Variants in TG observed in about 807,000 individuals in gnomAD.
TG encodes the protein thyroid hormones.
In TG, 270 loss-of-function variants were observed where a neutral mutation model predicts 324.7. That is an observed-to-expected ratio of 0.83 (90% CI 0.75 to 0.92). The LOEUF is 0.92. Ranked by LOEUF, TG falls within the 40% of genes least tolerant of loss-of-function variation. The pLI, the probability that TG is intolerant of heterozygous loss-of-function variation, is 0.00. For missense variants in TG, 3,591 were observed against 3,456.4 expected (o/e 1.04, Z -0.98); for synonymous variants, 1,401 against 1,327.0 (o/e 1.06, Z -1.21).
At position 133,019,612 on chromosome 8, in the gene TG, T is replaced by C; in HGVS notation, c.6793T>C (p.Trp2265Arg). The C allele has an allele frequency of 6.2e-7, 1 of 1,613,762 alleles. No homozygotes were observed. The highest frequency in any genetic ancestry group is 8.5e-7 in the Non-Finnish European group (1 of 1,179,790). Residue 2265 changes from tryptophan (W) to arginine (R), a missense_variant, in exon 39 of 48, where the codon TGG becomes CGG. Trp to Arg is a moderately radical substitution (Grantham distance 101, BLOSUM62 -3). Transcript: ENST00000220616. ...WDASKPRASC[W>R]QPGTRTSTSP... ...AGTCTGTATCTGCAGGGCCAGCTGC[T>C]GGCAGCCAGGCACCAGAACATCCAC... is the stretch of plus-strand genomic sequence containing the variant.
chr8:132,893,601 T>G, intron 10 of TG, 89 bp from the exon 11 acceptor site: 5 of 1,577,930 alleles, frequency 3.2e-6, no homozygotes, highest in Admixed American at 3.3e-5. Context: ...GGTGTGTATG[T>G]GTGTGCGTGA....
At chr8:132,924,362 TG>T (rs1821528684) in intron 22 of TG, among the ~76,000 whole-genome samples, 1 of 152,190 alleles carries the variant, frequency 6.6e-6, no homozygotes, top group African/African-American at 2.4e-5. Flanking sequence ...TACCAGTCTA[TG>T]GCCCAGGGGT....
chr8:132,883,206 G>A (rs1814910605), intron 8 of TG: 3 of 598,214 alleles, frequency 5.0e-6, no homozygotes, highest in Non-Finnish European at 8.8e-6. Context: ...TGCATTTTCA[G>A]GGAGCTCAGG....
intron 22 of TG, among the ~76,000 whole-genome samples, chr8:132,924,024 C>A (rs542016470): frequency 2.0e-5 from 3 of 152,198 alleles, no homozygotes; most frequent in Middle Eastern, 3.4e-3. Flanking sequence ...CATTTTATTT[C>A]TATTATTATT....
chr8:133,011,401 A>AGG (rs60470735), intron 35 of TG, among the ~76,000 whole-genome samples: 8 of 151,910 alleles, frequency 5.3e-5, no homozygotes, highest in African/African-American at 1.2e-4. Context: ...TTGGTCCTGC[A>AGG]GGGGGGTCTC....
In TG at chr8:132,983,674, G is replaced by A. The variant is rs376924598; in HGVS notation, c.6262+262G>A. The A allele has an allele frequency of 2.9e-4, 162 of 557,384 alleles. 2 individuals are homozygous for A. Among genetic ancestry groups the A allele is most frequent in the African/African-American group, 6.4e-4 (34 of 53,096 alleles). The allele number at this position is 557,384 out of a possible 1,614,324, so 34.5% of individuals were successfully genotyped here. ...TGAAGCAGAGTAAGACCTAAGTCGC[G>A]TTCTCCCAGTTTTCATTTTAAGGAT... On this transcript the variant is annotated intron_variant, in intron 35 of 47. Coordinates refer to ENST00000220616, the MANE Select transcript of TG (RefSeq NM_003235.5).
chr8:133,036,434 A>T (rs1837139003), intron 41 of TG, among the ~76,000 whole-genome samples: 5 of 152,236 alleles, frequency 3.3e-5, no homozygotes, highest in Admixed American at 3.3e-4. Flanking sequence ...AGCTATCACA[A>T]GTAACGTGCA....
chr8:133,088,912 G>A (rs1042621176), intron 41 of TG, among the ~76,000 whole-genome samples: 11 of 152,208 alleles, frequency 7.2e-5, no homozygotes, highest in Non-Finnish European at 1.3e-4. Context: ...TAGAAAACAT[G>A]CAAGAGAATA....
intron 35 of TG, among the ~76,000 whole-genome samples, chr8:132,993,719 A>C (rs1832606303): frequency 1.3e-5 from 2 of 152,246 alleles, no homozygotes; most frequent in Admixed American, 1.3e-4. Context: ...GAGTCTTAGA[A>C]GATGGGGAAA....
chr8:133,056,800 CTT>C (rs1841515250), intron 41 of TG, among the ~76,000 whole-genome samples: 1 of 152,166 alleles, frequency 6.6e-6, no homozygotes, highest in African/African-American at 2.4e-5. Flanking sequence ...GAGATAAACT[CTT>C]TCTCATCTCT....
At chr8:133,083,380 C>G (rs1456785909) in intron 41 of TG, among the ~76,000 whole-genome samples, 1 of 152,194 alleles carries the variant, frequency 6.6e-6, no homozygotes, top group Non-Finnish European at 1.5e-5. Flanking sequence ...GTTATCTCAT[C>G]AATTCATCTT....
chr8:133,124,905 G>C (rs1337157509), intron 45 of TG, among the ~76,000 whole-genome samples: 1 of 152,136 alleles, frequency 6.6e-6, no homozygotes, highest in Non-Finnish European at 1.5e-5. Context: ...TGACTGTCTT[G>C]GTGAGTTTGT....
chr8:132,956,899 A>T (rs2130253687), intron 27 of TG, among the ~76,000 whole-genome samples: 1 of 152,216 alleles, frequency 6.6e-6, no homozygotes, highest in East Asian at 1.9e-4. Flanking sequence ...ATTAAAGAAC[A>T]GTTTAGGGAC....
In TG at chr8:133,113,795, A is replaced by G. The variant is rs2294023; in HGVS notation, c.7754+192A>G. The G allele has an allele frequency of 0.22, 142,333 of 653,518 alleles. 16,687 individuals carry two copies. Among genetic ancestry groups the G allele is most frequent in the African/African-American group, 0.34 (18,897 of 54,778 alleles). 40.5% of individuals were successfully genotyped at this position (653,518 alleles called of 1,614,324 possible). ...AAGCCCTGGAGGACATGTAGGGTGG[A>G]CCCTGCTGCCAGGAAACCCCAAGCC... On this transcript the variant is annotated intron_variant, in intron 44 of 47. Transcript: ENST00000220616.
chr8:133,074,574 C>G (rs1255098273), intron 41 of TG, among the ~76,000 whole-genome samples: 2 of 152,180 alleles, frequency 1.3e-5, no homozygotes, highest in Non-Finnish European at 2.9e-5. Flanking sequence ...TGTAAGAAGC[C>G]TGCTAAGTAC....
intron 44 of TG, among the ~76,000 whole-genome samples, chr8:133,115,510 C>A (rs1177255881): frequency 6.6e-6 from 1 of 152,204 alleles, no homozygotes; most frequent in Admixed American, 6.5e-5. Context: ...AAGCACCCAG[C>A]AGACTCACCA....
intron 3 of TG, 42 bp downstream of exon 3, chr8:132,869,868 G>A (rs768729920): frequency 2.5e-6 from 4 of 1,576,428 alleles, no homozygotes; most frequent in Non-Finnish European, 3.5e-6. Flanking sequence ...GACCCTGCTA[G>A]GACAACTCAC....
Position 132,882,851 on chromosome 8 carries a change from C to G in TG, c.927C>G (p.Thr309=). The change falls in exon 8 of 48, where the codon ACC becomes ACG. Residue 309 remains threonine, a synonymous_variant. Transcript: ENST00000220616. ...GTGAAGTGGAGCGGTTTACAGCAAC[C>G]AGCTTTGGTCACCCCTATGTTCCAA... ...TKCEVERFTA[T]SFGHPYVPSC... 6.2e-7 allele frequency: 1 copy of G among 1,614,174 alleles called. No homozygotes were observed. Among genetic ancestry groups the G allele is most frequent in the Middle Eastern group, 1.6e-4 (1 of 6,062 alleles).
chr8:132,988,696 G>A (rs1045891297), intron 35 of TG: 1 of 985,168 alleles, frequency 1.0e-6, no homozygotes, highest in Non-Finnish European at 1.2e-6. Flanking sequence ...AATGTACATT[G>A]CATCTTAAAA....
Sources: gnomAD v4.1 joint callset for allele counts (sites outside exome capture counted in the v4.1 genomes callset) on GRCh38, gnomAD v4.1.1 for gene constraint, MANE v1.5 for transcripts, NCBI Gene and HGNC (gene_info 2026-07-23, HGNC 2026-07-21) for gene names.